The following BBS9 variants were observed in gnomAD, a reference collection of about 807,000 sequenced individuals.
BBS9 encodes the protein protein PTHB1.
BBS9 carries 89 observed loss-of-function variants against 117.7 expected under a neutral mutation model. The observed-to-expected ratio is 0.76, with a 90% CI of 0.64 to 0.90. BBS9 has a LOEUF of 0.90. Ranked by LOEUF, BBS9 falls within the 40% of genes least tolerant of loss-of-function variation. The probability of loss-of-function intolerance (pLI) is 0.00; values close to 1 mark genes in which losing one functional copy is unlikely to be tolerated. For missense variants in BBS9, 982 were observed against 1,042.2 expected, an observed-to-expected ratio of 0.94 and a Z score of 0.80; for synonymous variants, 379 against 370.9, an observed-to-expected ratio of 1.02 and a Z score of -0.25.
intron 5 of BBS9, among the ~76,000 whole-genome samples, chr7:33,190,140 G>A (rs564212909): frequency 0.049 from 5,668 of 115,618 alleles, 218 homozygotes; most frequent in African/African-American, 0.12. Context: ...TTTTTTTTGA[G>A]ACTGAGTCTC....
chr7:33,630,407 A>C (rs1865833499), intron 21 of BBS9, among the ~76,000 whole-genome samples: 1 of 152,118 alleles, frequency 6.6e-6, no homozygotes, highest in Non-Finnish European at 1.5e-5. Flanking sequence ...TTGGAGTAAA[A>C]AATTAAACTC....
intron 19 of BBS9, among the ~76,000 whole-genome samples, chr7:33,457,367 G>A (rs528608548): frequency 7.2e-5 from 11 of 152,258 alleles, no homozygotes; most frequent in Non-Finnish European, 4.4e-5. Context: ...TTAATATTGA[G>A]AAATAGGATA....
chr7:33,323,869 G>T (rs1438674541), intron 9 of BBS9, among the ~76,000 whole-genome samples: 5 of 99,530 alleles, frequency 5.0e-5, no homozygotes, highest in Admixed American at 3.1e-4. Flanking sequence ...ACAGGGTCTT[G>T]CTCTGTCACC....
chr7:33,518,357 T>C (rs1013027164), intron 20 of BBS9, among the ~76,000 whole-genome samples: 8 of 151,084 alleles, frequency 5.3e-5, no homozygotes, highest in Non-Finnish European at 7.4e-5. Flanking sequence ...TTCAAACGAT[T>C]CTCCTGCCTC....
intron 21 of BBS9, among the ~76,000 whole-genome samples, chr7:33,544,463 T>C (rs530560084): frequency 4.2e-4 from 64 of 152,328 alleles, no homozygotes; most frequent in African/African-American, 1.5e-3. Flanking sequence ...GTTGTTTCTC[T>C]TCTGGGTCTT....
At chr7:33,281,571 T>G (rs1169602087) in intron 9 of BBS9, among the ~76,000 whole-genome samples, 1 of 151,768 alleles carries the variant, frequency 6.6e-6, no homozygotes. Context: ...AGATAGGATC[T>G]TGTTATATTG....
At chr7:33,250,989 G>A (rs1796130259) in intron 5 of BBS9, among the ~76,000 whole-genome samples, 1 of 152,196 alleles carries the variant, frequency 6.6e-6, no homozygotes. Context: ...GATGGTGGGT[G>A]ATTGAAGCGG....
At chr7:33,327,994 T>C (rs1813193510) in intron 9 of BBS9, among the ~76,000 whole-genome samples, 1 of 152,164 alleles carries the variant, frequency 6.6e-6, no homozygotes, top group Non-Finnish European at 1.5e-5. Context: ...CATGTTGAGC[T>C]TTAGATGTCT....
At chr7:33,304,234 C>T (rs1220342241) in intron 9 of BBS9, among the ~76,000 whole-genome samples, 2 of 147,818 alleles carry the variant, frequency 1.4e-5, no homozygotes, top group Admixed American at 6.7e-5. Flanking sequence ...TCTGCCCGGC[C>T]ACCCCATCTG....
chr7:33,512,531 C>T (rs975199439), intron 20 of BBS9, among the ~76,000 whole-genome samples: 16 of 152,136 alleles, frequency 1.1e-4, no homozygotes, highest in African/African-American at 3.9e-4. Flanking sequence ...TTCAAACAAT[C>T]ACAGTGAGGA....
chr7:33,494,189 T>A (rs1844411088), intron 19 of BBS9, among the ~76,000 whole-genome samples: 1 of 152,038 alleles, frequency 6.6e-6, no homozygotes, highest in Non-Finnish European at 1.5e-5. Context: ...TTTTTGGTTG[T>A]CACAACTGGT....
intron 21 of BBS9, among the ~76,000 whole-genome samples, chr7:33,577,443 C>T (rs1278855764): frequency 6.6e-6 from 1 of 152,194 alleles, no homozygotes; most frequent in Non-Finnish European, 1.5e-5. Flanking sequence ...AACACTTTTA[C>T]ACTGTTGGTG....
chr7:33,226,280 A>G lies in BBS9; in HGVS notation c.443-30956A>G, dbSNP rs542386973. Among the ~76,000 whole-genome samples, 3 of 152,152 alleles carry G rather than the reference A, an allele frequency of 2.0e-5. No homozygotes were observed. The East Asian group carries it at 5.8e-4, about 29-fold the overall frequency. Reference sequence around the variant, plus strand: ...CTATTAACATTGGAGATGATTTTTAATGGCTTTTTGATCATTAGATGATAA... The same window carrying G: ...CTATTAACATTGGAGATGATTTTTAGTGGCTTTTTGATCATTAGATGATAA... On this transcript the variant is annotated intron_variant, in intron 5 of 22. Transcript: ENST00000242067.
At chr7:33,303,916 G>A (rs1363832555) in intron 9 of BBS9, among the ~76,000 whole-genome samples, 1 of 152,168 alleles carries the variant, frequency 6.6e-6, no homozygotes, top group East Asian at 1.9e-4. Context: ...TACAGCCTCT[G>A]CCTGGCCGCC....
intron 9 of BBS9, among the ~76,000 whole-genome samples, chr7:33,298,267 A>G (rs935175255): frequency 6.6e-6 from 1 of 152,092 alleles, no homozygotes; most frequent in Non-Finnish European, 1.5e-5. Context: ...TGATTAACTT[A>G]CTCATTAGCT....
At chr7:33,470,843 A>G (rs1840914480) in intron 19 of BBS9, among the ~76,000 whole-genome samples, 1 of 152,148 alleles carries the variant, frequency 6.6e-6, no homozygotes, top group South Asian at 2.1e-4. Flanking sequence ...AAGGACACTC[A>G]TTCAGGGGGG....
At chr7:33,351,672 G>T (rs150665588) in intron 14 of BBS9, among the ~76,000 whole-genome samples, 309 of 152,162 alleles carry the variant, frequency 2.0e-3, no homozygotes, top group African/African-American at 7.1e-3. Flanking sequence ...CCATATCTGC[G>T]TTCTTATTTC....
At chr7:33,303,522 T>TA (rs1806961766) in intron 9 of BBS9, among the ~76,000 whole-genome samples, 2 of 77,030 alleles carry the variant, frequency 2.6e-5, no homozygotes, top group Non-Finnish European at 4.7e-5. Context: ...AATGATCCCC[T>TA]CCCCCCGCCC....
intron 21 of BBS9, among the ~76,000 whole-genome samples, chr7:33,544,227 T>C (rs1852900393): frequency 6.6e-6 from 1 of 152,222 alleles, no homozygotes; most frequent in East Asian, 1.9e-4. Flanking sequence ...CTTGGTTTGC[T>C]GGTGAGCTAG....
Sources: gnomAD v4.1 joint callset for allele counts (sites outside exome capture counted in the v4.1 genomes callset) on GRCh38, gnomAD v4.1.1 for gene constraint, MANE v1.5 for transcripts, NCBI Gene and HGNC (gene_info 2026-07-23, HGNC 2026-07-21) for gene names.